SPRED1: variants seen among roughly 807,000 people sequenced by gnomAD.
SPRED1 encodes sprouty-related, EVH1 domain-containing protein 1.
A neutral mutation model predicts 52.3 loss-of-function variants in SPRED1; 18 were observed. That is an observed-to-expected ratio of 0.34 (90% confidence interval 0.24 to 0.51). The LOEUF (loss-of-function observed/expected upper bound fraction) is 0.51. Ranked by LOEUF, SPRED1 falls within the 20% of genes least tolerant of loss-of-function variation. The pLI is 0.97. For missense variants in SPRED1, 485 were observed against 551.0 expected, an observed-to-expected ratio of 0.88 and a Z score of 1.20; for synonymous variants, 155 against 179.7, an observed-to-expected ratio of 0.86 and a Z score of 1.10.
chr15:38,278,867 G>A (rs962693013), intron 1 of SPRED1, among the ~76,000 whole-genome samples: 4 of 121,100 alleles, frequency 3.3e-5, no homozygotes, highest in South Asian at 2.7e-4. Context: ...TCACTCTGTC[G>A]CCTAGGCTGG....
chr15:38,344,791 G>T (rs1157082379), intron 5 of SPRED1, among the ~76,000 whole-genome samples: 9 of 152,106 alleles, frequency 5.9e-5, no homozygotes, highest in Admixed American at 4.6e-4. Flanking sequence ...ATACTCGTAA[G>T]TAATTCCTTG....
chr15:38,295,470 C>T (rs954308194), intron 1 of SPRED1, among the ~76,000 whole-genome samples: 4 of 152,026 alleles, frequency 2.6e-5, no homozygotes, highest in Non-Finnish European at 5.9e-5. Context: ...AATAAAGATA[C>T]GGTATTGTAA....
chr15:38,325,620 G>T (rs368435154), intron 4 of SPRED1, among the ~76,000 whole-genome samples: 2 of 152,116 alleles, frequency 1.3e-5, no homozygotes, highest in East Asian at 1.9e-4. Context: ...AACTAATTGC[G>T]TGAGGTCACC....
intron 2 of SPRED1, among the ~76,000 whole-genome samples, chr15:38,313,686 G>A (rs1041789517): frequency 6.6e-5 from 10 of 151,382 alleles, no homozygotes; most frequent in African/African-American, 1.9e-4. Flanking sequence ...AGCAAATGGT[G>A]AAAAAGTAGT....
chr15:38,347,975 G>T (rs1276906012), intron 5 of SPRED1, among the ~76,000 whole-genome samples: 1 of 152,004 alleles, frequency 6.6e-6, no homozygotes, highest in African/African-American at 2.4e-5. Flanking sequence ...TTGTGTGAGA[G>T]AACTAATATT....
chr15:38,316,748 G>GGTTGT, intron 2 of SPRED1, among the ~76,000 whole-genome samples: 1 of 41,908 alleles, frequency 2.4e-5, no homozygotes. Flanking sequence ...TCCATTATAT[G>GGTTGT]TTTTTTTTTT....
chr15:38,253,265 C>A (rs1185532149), intron 1 of SPRED1, 48 bp downstream of exon 1: 26 of 1,541,730 alleles, frequency 1.7e-5, no homozygotes, highest in Non-Finnish European at 1.2e-5. Context: ...CCCCTATCCG[C>A]CCTCGGCTCT....
In SPRED1 at chr15:38,337,875, C is replaced by G. The variant is rs529278563; in HGVS notation, c.424-1862C>G. Reference sequence around the variant, plus strand: ...ATGATTGTTTATAGTTTTCAGTCTCCTGAGTATCCCAACCCTGAGATTATT... The same window carrying G: ...ATGATTGTTTATAGTTTTCAGTCTCGTGAGTATCCCAACCCTGAGATTATT... On this transcript the variant is annotated intron_variant, in intron 4 of 6. Transcript: ENST00000299084. Among the ~76,000 whole-genome samples the G allele has an allele frequency of 6.6e-5, 10 of 151,730 alleles. No homozygotes were observed. The South Asian group carries it at 2.1e-3, about 32-fold the overall frequency.
At chr15:38,298,709 T>C (rs1206028715) in intron 1 of SPRED1, 6 of 205,302 alleles carry the variant, frequency 2.9e-5, no homozygotes, top group South Asian at 7.3e-5. Context: ...ATGTGTCTTA[T>C]TCTCTTTGGA....
chr15:38,322,821 C>T (rs1895632145), intron 3 of SPRED1, among the ~76,000 whole-genome samples: 2 of 152,090 alleles, frequency 1.3e-5, no homozygotes, highest in South Asian at 4.1e-4. Flanking sequence ...TGTATGTAGA[C>T]TCTAGTTATT....
chr15:38,351,930 TATG>T lies in SPRED1; in HGVS notation c.*269_*271del, dbSNP rs1888499124. 6 of 545,094 alleles carry T rather than the reference TATG, an allele frequency of 1.1e-5. No homozygotes were observed. The highest frequency in any genetic ancestry group is 6.6e-5 in the Admixed American group (2 of 30,188). The allele number at this position is 545,094 out of a possible 1,614,324, so 33.8% of individuals were successfully genotyped here. ...TTGGCTATAAAAAGTCAGCATAAAA[TATG>T]ATCCAACTAAAAGGGATTAATTTTT... On this transcript the variant is annotated 3_prime_UTR_variant, in exon 7 of 7. Coordinates refer to ENST00000299084, the MANE Select transcript of SPRED1 (RefSeq NM_152594.3).
At chr15:38,316,168 G>A (rs72711726) in intron 2 of SPRED1, among the ~76,000 whole-genome samples, 36 of 151,748 alleles carry the variant, frequency 2.4e-4, no homozygotes, top group Non-Finnish European at 4.3e-4. Flanking sequence ...ACCTTCTTCC[G>A]CTGTCTCTTA....
rs1235627769 is a variant in SPRED1, at chr15:38,352,539, GA to G, written c.*882del. Reference sequence around the variant, plus strand: ...AGAGACTGAGTAAACAAACATTATAGAAAAAAAGTGAAGTTTTTTAGTTGTT... The same window carrying G: ...AGAGACTGAGTAAACAAACATTATAGAAAAAAGTGAAGTTTTTTAGTTGTT... On this transcript the variant is annotated 3_prime_UTR_variant, in exon 7 of 7. Coordinates refer to ENST00000299084, the MANE Select transcript of SPRED1 (RefSeq NM_152594.3). 6.6e-6 allele frequency: 1 copy of G among 152,264 alleles called. No homozygotes were observed. The highest frequency in any genetic ancestry group is 1.5e-5 in the Non-Finnish European group (1 of 67,916). The allele number at this position is 152,264 out of a possible 1,614,324, so 9.4% of individuals were successfully genotyped here.
intron 2 of SPRED1, among the ~76,000 whole-genome samples, chr15:38,309,674 AG>A (rs1256191232): frequency 6.6e-6 from 1 of 152,208 alleles, no homozygotes; most frequent in Non-Finnish European, 1.5e-5. Flanking sequence ...CCCTAGCCAT[AG>A]GTCATGAAGA....
chr15:38,263,131 T>A (rs570767067), intron 1 of SPRED1, among the ~76,000 whole-genome samples: 2 of 152,290 alleles, frequency 1.3e-5, no homozygotes, highest in South Asian at 4.1e-4. Flanking sequence ...TGTCCAACGA[T>A]TATTTGACTG....
intron 2 of SPRED1, among the ~76,000 whole-genome samples, 183 bp downstream of exon 2, chr15:38,299,730 C>A (rs1441630957): frequency 6.6e-6 from 1 of 151,596 alleles, no homozygotes; most frequent in Non-Finnish European, 1.5e-5. Flanking sequence ...GACATTGATA[C>A]ACATTTGTTG....
At chr15:38,350,926 C>A in intron 6 of SPRED1, 88 bp from the exon 7 acceptor site, 1 of 1,278,524 alleles carries the variant, frequency 7.8e-7, no homozygotes, top group South Asian at 1.3e-5. Context: ...AATATTTCAA[C>A]AAATATCTGG....
At position 38,351,513 on chromosome 15, in the gene SPRED1, C is replaced by G. The variant is rs991687184; in HGVS notation, c.1184C>G (p.Thr395Ser). ...TTTTCTGATCCCTGTTCGTGTGACA[C>G]TAGCGACGACAAGTTCTGCTTGCGA... is the stretch of plus-strand genomic sequence containing the variant. ...GDFSDPCSCD[T>S]SDDKFCLRWL... The change falls in exon 7 of 7, where the codon ACT (threonine) becomes AGT (serine). Residue 395 changes from threonine to serine, a missense_variant. By Grantham distance (58) the Thr-to-Ser change is moderately conservative. Coordinates refer to ENST00000299084, the MANE Select transcript of SPRED1 (RefSeq NM_152594.3). 6.2e-7 allele frequency: 1 copy of G among 1,614,154 alleles called. No individual in the cohort carries two copies. Among genetic ancestry groups the G allele is most frequent in the Non-Finnish European group, 8.5e-7 (1 of 1,180,016 alleles).
chr15:38,316,389 TA>T (rs1895480629), intron 2 of SPRED1, among the ~76,000 whole-genome samples: 2 of 152,074 alleles, frequency 1.3e-5, no homozygotes, highest in African/African-American at 4.8e-5. Context: ...TTATTTTTGT[TA>T]CCACTGGATT....
Sources: allele counts gnomAD v4.1 joint callset (sites outside exome capture counted in the v4.1 genomes callset), GRCh38; gene constraint gnomAD v4.1.1; transcripts MANE v1.5; gene names NCBI Gene and HGNC (gene_info 2026-07-23, HGNC 2026-07-21).